OR2A12: variants seen among roughly 807,000 people sequenced by gnomAD.
OR2A12 encodes olfactory receptor family 2 subfamily A member 12, also known as olfactory receptor 2A12.
For synonymous variants in OR2A12, 153 were observed against 149.3 expected, an observed-to-expected ratio of 1.02 and a Z score of -0.18; for missense variants, 380 against 372.5, an observed-to-expected ratio of 1.02 and a Z score of -0.17.
At chr7:144,094,980 C>A in intron 1 of OR2A12, 77 bp from the exon 2 acceptor site, 2 of 638,962 alleles carry the variant, frequency 3.1e-6, no homozygotes, top group Non-Finnish European at 5.3e-6. Context: ...CTGGATGTAC[C>A]CATGAAATAC....
Position 144,095,618 on chromosome 7 carries a change from C to G in OR2A12, c.511C>G (p.Gln171Glu). ...TCTGAGGCTGCCTTTTTGTGGCCCA[C>G]AAAAGATCAACCACTTTTTCTGTCA... ...LILRLPFCGPQKINHFFCQIM... is the reference protein window; with the variant it reads ...LILRLPFCGPEKINHFFCQIM... Residue 171 changes from glutamine (Q) to glutamate (E), a missense_variant, in exon 2 of 2, where the codon CAA (glutamine) becomes GAA (glutamate). Physicochemically the swap from Gln to Glu is conservative, Grantham distance 29. Transcript: ENST00000641592. 6.2e-7 allele frequency: 1 copy of G among 1,614,094 alleles called. No homozygotes were observed. The highest frequency in any genetic ancestry group is 1.7e-5 in the Admixed American group (1 of 60,008).
chr7:144,092,327 C>T (rs2051232719), intron 1 of OR2A12, among the ~76,000 whole-genome samples: 1 of 151,972 alleles, frequency 6.6e-6, no homozygotes, highest in Non-Finnish European at 1.5e-5. Context: ...TTTGCCTTGG[C>T]TATTTGGGCT....
chr7:144,092,666 T>G (rs538968757), intron 1 of OR2A12, among the ~76,000 whole-genome samples: 13 of 152,170 alleles, frequency 8.5e-5, no homozygotes, highest in South Asian at 2.1e-4. Context: ...GAAATTCTAG[T>G]GATTTTTGTA....
rs746834294 is a variant in OR2A12, at chr7:144,095,359, T to C, written c.252T>C (p.Leu84=). The C allele has an allele frequency of 1.2e-6, 2 of 1,613,486 alleles. No individual in the cohort carries two copies. The highest frequency in any genetic ancestry group is 4.5e-5 in the East Asian group (2 of 44,874). The change falls in exon 2 of 2, where the codon CTT becomes CTC. Residue 84 remains leucine, a synonymous_variant. Coordinates refer to ENST00000641592, the MANE Select transcript of OR2A12 (RefSeq NM_001004135.2). ...CTGTCCCTAAGATGCTAGCAAATCT[T>C]GTGATGCACAAAAAAGTCATCTCCT... The part of the protein sequence containing the change: ...SSTVPKMLAN[L]VMHKKVISFA...
At chr7:144,091,073 G>T (rs921635773) in intron 1 of OR2A12, among the ~76,000 whole-genome samples, 2 of 152,202 alleles carry the variant, frequency 1.3e-5, no homozygotes, top group African/African-American at 4.8e-5. Flanking sequence ...TGAGTCAAAT[G>T]GTAATTCTGT....
At position 144,095,845 on chromosome 7, in the gene OR2A12, G is replaced by A. The variant is rs767672780; in HGVS notation, c.738G>A (p.Val246=). Residue 246 remains valine, a synonymous_variant, in exon 2 of 2, where the codon GTG becomes GTA. Transcript: ENST00000641592. ...AFSTCSSHLC[V]VGLFFGSAIV... ...CTACCTGCTCCTCCCACCTCTGCGTGGTGGGGCTTTTCTTTGGCAGCGCCA... is the reference window on the plus strand; with the variant it reads ...CTACCTGCTCCTCCCACCTCTGCGTAGTGGGGCTTTTCTTTGGCAGCGCCA... The A allele has an allele frequency of 1.9e-6, 3 of 1,614,020 alleles. No individual in the cohort carries two copies. Among genetic ancestry groups the A allele is most frequent in the Non-Finnish European group, 8.5e-7 (1 of 1,180,044 alleles).
intron 1 of OR2A12, among the ~76,000 whole-genome samples, chr7:144,086,974 G>T (rs2051191971): frequency 6.6e-6 from 1 of 152,092 alleles, no homozygotes; most frequent in Admixed American, 6.5e-5. Flanking sequence ...ACGTTACATA[G>T]GTTTCAGACT....
chr7:144,089,922 C>T (rs1273615212), intron 1 of OR2A12, among the ~76,000 whole-genome samples: 4 of 152,006 alleles, frequency 2.6e-5, no homozygotes, highest in African/African-American at 4.8e-5. Context: ...TTCATATATT[C>T]GATTCACCTC....
intron 1 of OR2A12, among the ~76,000 whole-genome samples, chr7:144,089,577 T>C (rs2051214341): frequency 1.3e-5 from 2 of 152,150 alleles, no homozygotes; most frequent in Non-Finnish European, 2.9e-5. Context: ...CTTTTTTTTC[T>C]TTTTTGGCCT....
intron 1 of OR2A12, among the ~76,000 whole-genome samples, chr7:144,094,017 A>C (rs2051244133): frequency 6.6e-6 from 1 of 152,110 alleles, no homozygotes; most frequent in African/African-American, 2.4e-5. Flanking sequence ...TATACATTTA[A>C]TTGCATCTTC....
At chr7:144,092,703 C>T (rs1471585856) in intron 1 of OR2A12, among the ~76,000 whole-genome samples, 2 of 151,954 alleles carry the variant, frequency 1.3e-5, no homozygotes, top group Non-Finnish European at 2.9e-5. Context: ...TTTATAGGTA[C>T]TCTTTTTCAA....
rs1471816914 is a variant in OR2A12 at position 144,095,600 on chromosome 7, C to G, written c.493C>G (p.Leu165Val). The change falls in exon 2 of 2, where the codon CTG (leucine) becomes GTG (valine). Residue 165 changes from leucine (L) to valine (V), a missense_variant. Leu to Val is a conservative substitution (Grantham distance 32). Coordinates refer to ENST00000641592, the MANE Select transcript of OR2A12 (RefSeq NM_001004135.2). ...GGTCCATATTACTCTTATTCTGAGG[C>G]TGCCTTTTTGTGGCCCACAAAAGAT... is the stretch of plus-strand genomic sequence containing the variant. ...ALVHITLILRLPFCGPQKINH... is the reference protein window; with the variant it reads ...ALVHITLILRVPFCGPQKINH... 6.2e-7 allele frequency: 1 copy of G among 1,614,094 alleles called. No homozygotes were observed. The highest frequency in any genetic ancestry group is 1.6e-4 in the Middle Eastern group (1 of 6,062).
At position 144,095,212 on chromosome 7, in the gene OR2A12, C is replaced by T; in HGVS notation, c.105C>T (p.Ser35=). 1 of 1,613,890 alleles carries T rather than the reference C, an allele frequency of 6.2e-7. No individual in the cohort carries two copies. The highest frequency in any genetic ancestry group is 8.5e-7 in the Non-Finnish European group (1 of 1,179,820). The change falls in exon 2 of 2, where the codon AGC becomes AGT. Residue 35 remains serine (S), a synonymous_variant. Coordinates refer to ENST00000641592, the MANE Select transcript of OR2A12 (RefSeq NM_001004135.2). Reference sequence around the variant, plus strand: ...TTGGGTTTTTCTTGCTATTCTACAGCTTAACCCTGATGGGAAATGGGATTA... The same window carrying T: ...TTGGGTTTTTCTTGCTATTCTACAGTTTAACCCTGATGGGAAATGGGATTA... The part of the protein sequence containing the change: ...FLFGFFLLFY[S]LTLMGNGIIL...
At chr7:144,090,513 G>T (rs1227818820) in intron 1 of OR2A12, among the ~76,000 whole-genome samples, 5 of 152,026 alleles carry the variant, frequency 3.3e-5, no homozygotes, top group Non-Finnish European at 7.4e-5. Flanking sequence ...AAACTCTGTA[G>T]GTTTTATGGA....
intron 1 of OR2A12, among the ~76,000 whole-genome samples, chr7:144,092,146 A>G (rs969105140): frequency 6.6e-6 from 1 of 152,094 alleles, no homozygotes; most frequent in Non-Finnish European, 1.5e-5. Context: ...AGCTTTGTTG[A>G]AGATCAGATG....
Position 144,095,515 on chromosome 7 carries a change from C to T in OR2A12, c.408C>T (p.Asn136=). Residue 136 remains asparagine (N), a synonymous_variant, in exon 2 of 2, where the codon AAC becomes AAT. Coordinates refer to ENST00000641592, the MANE Select transcript of OR2A12 (RefSeq NM_001004135.2). ...CHPLQYTLIM[N]WRVCTVLAST... ...CCTTGCAATACACCCTCATTATGAA[C>T]TGGAGAGTGTGCACTGTCCTGGCCT... 6.2e-7 allele frequency: 1 copy of T among 1,614,124 alleles called. No homozygotes were observed. The highest frequency in any genetic ancestry group is 8.5e-7 in the Non-Finnish European group (1 of 1,179,982).
At position 144,096,035 on chromosome 7, in the gene OR2A12, AT is replaced by A; in HGVS notation, c.929del (p.Met310SerfsTer9). On this transcript the variant is annotated frameshift_variant, in exon 2 of 2. Coordinates refer to ENST00000641592, the MANE Select transcript of OR2A12 (RefSeq NM_001004135.2). LOFTEE classifies it high-confidence loss of function. ...LKRVLWKQRS[M>X] ...GAGAGTCCTTTGGAAACAGAGATCAATGTGAAGAATCATTTGAGATATCCTG... is the reference window on the plus strand; with the variant it reads ...GAGAGTCCTTTGGAAACAGAGATCAAGTGAAGAATCATTTGAGATATCCTG... The A allele has an allele frequency of 6.3e-7, 1 of 1,582,102 alleles. No homozygotes were observed. Among genetic ancestry groups the A allele is most frequent in the Non-Finnish European group, 8.6e-7 (1 of 1,164,952 alleles).
chr7:144,094,448 T>C (rs1305616489), intron 1 of OR2A12, among the ~76,000 whole-genome samples: 2 of 152,188 alleles, frequency 1.3e-5, no homozygotes, highest in Non-Finnish European at 2.9e-5. Flanking sequence ...CTTAACCCCA[T>C]AAAAGCTAAG....
intron 1 of OR2A12, among the ~76,000 whole-genome samples, chr7:144,093,817 T>G (rs1461690972): frequency 6.6e-6 from 1 of 151,910 alleles, no homozygotes; most frequent in Admixed American, 6.6e-5. Context: ...TCATCATTTT[T>G]TATGGCTGCA....
Sources: allele counts gnomAD v4.1 joint callset (sites outside exome capture counted in the v4.1 genomes callset), GRCh38; gene constraint gnomAD v4.1.1; transcripts MANE v1.5; gene names NCBI Gene and HGNC (gene_info 2026-07-23, HGNC 2026-07-21).